Variants in RANBP9 observed in about 807,000 individuals in gnomAD.
RANBP9 encodes the protein RAN binding protein 9.
Under a neutral mutation model 84.3 loss-of-function variants are expected in RANBP9, and 15 were observed. The ratio of observed to expected loss-of-function variants is 0.18; its 90% confidence interval spans 0.12 to 0.27. The LOEUF is 0.27. Among genes scored for constraint, RANBP9 ranks in the 10% least tolerant of loss-of-function variants. RANBP9 has a pLI of 1.00. For missense variants in RANBP9, 809 were observed against 912.8 expected (o/e 0.89, Z 1.46); for synonymous variants, 392 against 349.6 (o/e 1.12, Z -1.35).
chr6:13,678,829 C>T (rs1436170383), intron 2 of RANBP9, among the ~76,000 whole-genome samples: 1 of 152,126 alleles, frequency 6.6e-6, no homozygotes, highest in South Asian at 2.1e-4. Context: ...TCATATCCCC[C>T]TGCAGCTACC....
In RANBP9 at chr6:13,711,073, TCTC is replaced by T. The variant is rs1561701534; in HGVS notation, c.430_432del (p.Glu144del). ...CGCTTCAGCCGCCGCTGCAACTCCT[TCTC>T]CTGCTCGTTCAGGGCCGAGTCCCCG... is the stretch of plus-strand genomic sequence containing the variant. On this transcript the variant is annotated inframe_deletion, in exon 1 of 14. Coordinates refer to ENST00000011619, the MANE Select transcript of RANBP9 (RefSeq NM_005493.3). 7.6e-6 allele frequency: 12 copies of T among 1,582,062 alleles called. No homozygotes were observed. The highest frequency in any genetic ancestry group is 5.7e-5 in the South Asian group (5 of 87,162).
intron 1 of RANBP9, among the ~76,000 whole-genome samples, chr6:13,698,744 A>G (rs1344366634): frequency 6.6e-6 from 1 of 152,242 alleles, no homozygotes; most frequent in Non-Finnish European, 1.5e-5. Context: ...GGTAGGTACT[A>G]TCTATTATCA....
chr6:13,674,083 C>CAAA (rs35496559), intron 2 of RANBP9, among the ~76,000 whole-genome samples: 1 of 94,574 alleles, frequency 1.1e-5, no homozygotes, highest in African/African-American at 3.9e-5. Flanking sequence ...GACCTTGTCT[C>CAAA]AAAAAAAAAA....
intron 2 of RANBP9, among the ~76,000 whole-genome samples, chr6:13,676,841 T>C (rs915191449): frequency 2.0e-5 from 3 of 152,010 alleles, no homozygotes; most frequent in African/African-American, 7.2e-5. Flanking sequence ...CTCAGTAAAC[T>C]AGGAATAGAG....
chr6:13,681,706 T>A (rs1766045157), intron 2 of RANBP9, among the ~76,000 whole-genome samples: 1 of 152,184 alleles, frequency 6.6e-6, no homozygotes, highest in Non-Finnish European at 1.5e-5. Context: ...CCAACTAGTG[T>A]CATCAGCTAT....
intron 8 of RANBP9, among the ~76,000 whole-genome samples, chr6:13,640,524 T>C (rs1010044185): frequency 1.3e-5 from 2 of 152,184 alleles, no homozygotes; most frequent in African/African-American, 4.8e-5. Flanking sequence ...CATCAGTGGA[T>C]GAATGGATAA....
intron 5 of RANBP9, among the ~76,000 whole-genome samples, 195 bp downstream of exon 5, chr6:13,652,464 C>T (rs1158384197): frequency 1.3e-5 from 2 of 152,104 alleles, no homozygotes; most frequent in Non-Finnish European, 2.9e-5. Context: ...ACAATGAATC[C>T]AGTGCAAGTT....
intron 13 of RANBP9, among the ~76,000 whole-genome samples, chr6:13,623,557 A>C (rs1190926457): frequency 6.6e-6 from 1 of 152,204 alleles, no homozygotes; most frequent in Non-Finnish European, 1.5e-5. Flanking sequence ...TGGTGTCTTG[A>C]GGGTTCACAG....
intron 1 of RANBP9, among the ~76,000 whole-genome samples, chr6:13,699,874 A>G (rs567969495): frequency 6.6e-6 from 1 of 152,318 alleles, no homozygotes; most frequent in African/African-American, 2.4e-5. Context: ...ATAAAAAAAT[A>G]AAAAATCAAG....
chr6:13,691,692 G>A (rs1034004566), intron 2 of RANBP9, among the ~76,000 whole-genome samples: 2 of 152,026 alleles, frequency 1.3e-5, no homozygotes, highest in African/African-American at 4.8e-5. Context: ...TTGAGACTGA[G>A]TCTCGCACAG....
At chr6:13,665,467 A>C (rs895067194) in intron 2 of RANBP9, among the ~76,000 whole-genome samples, 1 of 152,186 alleles carries the variant, frequency 6.6e-6, no homozygotes, top group Non-Finnish European at 1.5e-5. Context: ...AGAATAATTA[A>C]AATTTATAAA....
intron 1 of RANBP9, among the ~76,000 whole-genome samples, chr6:13,704,983 A>T (rs973820247): frequency 2.6e-5 from 4 of 152,180 alleles, no homozygotes; most frequent in Non-Finnish European, 5.9e-5. Flanking sequence ...TCTGAATTCA[A>T]TGACAGTATC....
intron 2 of RANBP9, among the ~76,000 whole-genome samples, chr6:13,687,081 T>A (rs951441816): frequency 1.3e-5 from 2 of 152,182 alleles, no homozygotes; most frequent in Non-Finnish European, 2.9e-5. Flanking sequence ...ATTCCCTCCT[T>A]CTATATGTCC....
At chr6:13,636,095 T>C (rs1300515385) in intron 10 of RANBP9, among the ~76,000 whole-genome samples, 1 of 152,190 alleles carries the variant, frequency 6.6e-6, no homozygotes, top group Non-Finnish European at 1.5e-5. Flanking sequence ...ACTTGAATTT[T>C]CTCAGCCTGG....
intron 2 of RANBP9, among the ~76,000 whole-genome samples, chr6:13,691,669 T>G (rs1001902249): frequency 2.0e-5 from 3 of 152,020 alleles, no homozygotes; most frequent in African/African-American, 7.3e-5. Flanking sequence ...TTTGTTTGTA[T>G]GTTTGTTTGT....
intron 2 of RANBP9, among the ~76,000 whole-genome samples, chr6:13,661,108 A>C (rs1765530552): frequency 6.6e-6 from 1 of 152,340 alleles, no homozygotes; most frequent in South Asian, 2.1e-4. Context: ...TCTCCTCTTG[A>C]AAGGAAGCTA....
chr6:13,673,266 A>C (rs1765815374), intron 2 of RANBP9, among the ~76,000 whole-genome samples: 1 of 152,162 alleles, frequency 6.6e-6, no homozygotes, highest in Non-Finnish European at 1.5e-5. Context: ...GTTGGGAAAA[A>C]ACCCCACCAA....
chr6:13,667,379 T>TA (rs570592339), intron 2 of RANBP9, among the ~76,000 whole-genome samples: 16 of 152,332 alleles, frequency 1.1e-4, no homozygotes, highest in African/African-American at 3.8e-4. Context: ...ATGACTACCT[T>TA]ATTAAGATTT....
intron 2 of RANBP9, among the ~76,000 whole-genome samples, chr6:13,693,858 C>T (rs781372490): frequency 4.6e-5 from 7 of 151,986 alleles, no homozygotes; most frequent in Non-Finnish European, 1.0e-4. Flanking sequence ...GCCTGGCCAA[C>T]ATTGTGAAAC....
Sources: allele counts gnomAD v4.1 joint callset (sites outside exome capture counted in the v4.1 genomes callset), GRCh38; gene constraint gnomAD v4.1.1; transcripts MANE v1.5; gene names NCBI Gene and HGNC (gene_info 2026-07-23, HGNC 2026-07-21).